PDE10A: variants seen among roughly 807,000 people sequenced by gnomAD.
PDE10A encodes phosphodiesterase 10A, also known as cAMP and cAMP-inhibited cGMP 3',5'-cyclic phosphodiesterase 10A.
PDE10A carries 39 observed loss-of-function variants against 97.7 expected under a neutral mutation model. That is an observed-to-expected ratio of 0.40 (90% CI 0.31 to 0.52). The LOEUF (loss-of-function observed/expected upper bound fraction) is 0.52. Among genes scored for constraint, PDE10A ranks in the 20% least tolerant of loss-of-function variants. PDE10A has a pLI of 0.56. For synonymous variants in PDE10A, 371 were observed against 376.8 expected, an observed-to-expected ratio of 0.98 and a Z score of 0.18; for missense variants, 731 against 1,047.8, an observed-to-expected ratio of 0.70 and a Z score of 4.17.
rs553283996 is a variant in PDE10A, at chr6:165,855,227, A to T, written c.-615+132302T>A. Reference sequence around the variant, plus strand: ...GGCAGCCCCAGACCCAGAAGGAATGAACAGAGGCGGATGGGTGGAGCAGGT... The same window carrying T: ...GGCAGCCCCAGACCCAGAAGGAATGTACAGAGGCGGATGGGTGGAGCAGGT... On this transcript the variant is annotated intron_variant, in intron 1 of 19. Transcript: ENST00000366882. Among the ~76,000 whole-genome samples the T allele has an allele frequency of 2.0e-5, 3 of 150,004 alleles. No homozygotes were observed. The East Asian group carries it at 6.1e-4, about 31-fold the overall frequency.
chr6:165,483,429 T>C lies in PDE10A; in HGVS notation c.995-1086A>G, dbSNP rs576953751. Reference sequence around the variant, plus strand: ...GTACGGCCTCTGACTTCCCTAAGAATGTAACACATGTAACAATTGTCATAG... The same window carrying C: ...GTACGGCCTCTGACTTCCCTAAGAACGTAACACATGTAACAATTGTCATAG... On this transcript the variant is annotated intron_variant, in intron 2 of 21. Coordinates refer to ENST00000539869, the MANE Select transcript of PDE10A (RefSeq NM_001385079.1). Among the ~76,000 whole-genome samples the C allele has an allele frequency of 2.0e-5, 3 of 152,344 alleles. No individual in the cohort carries two copies. The East Asian group carries it at 5.8e-4, about 29-fold the overall frequency.
At position 165,943,294 on chromosome 6, in the gene PDE10A, G is replaced by GAAAA. The variant is rs1562810032; in HGVS notation, c.-615+44234_-615+44235insTTTT. 3.1e-3 allele frequency among the ~76,000 whole-genome samples: 184 copies of GAAAA among 59,386 alleles called. 14 individuals carry two copies. Among genetic ancestry groups the GAAAA allele is most frequent in the Middle Eastern group, 8.8e-3 (1 of 114 alleles). 39.0% of individuals were successfully genotyped at this position (59,386 alleles called of 152,430 possible). On this transcript the variant is annotated intron_variant, in intron 1 of 19. Transcript: ENST00000366882. Reference sequence around the variant, plus strand: ...AGGAAGGAAAGAAAGAAAGAAAGAAGGAAAGAAAGAAAGAAGGAAGGAAGG... The same window carrying GAAAA: ...AGGAAGGAAAGAAAGAAAGAAAGAAGAAAAGAAAGAAAGAAAGAAGGAAGGAAGG...
At chr6:165,619,383 TCTA>T (rs2128406971) in intron 1 of PDE10A, among the ~76,000 whole-genome samples, 1 of 147,730 alleles carries the variant, frequency 6.8e-6, no homozygotes, top group East Asian at 2.0e-4. Context: ...TGTAGTGTAG[TCTA>T]GTATAGTGTA....
intron 1 of PDE10A, among the ~76,000 whole-genome samples, chr6:165,743,412 A>C (rs1792773535): frequency 6.6e-6 from 1 of 152,162 alleles, no homozygotes; most frequent in African/African-American, 2.4e-5. Flanking sequence ...TTTGGACGTC[A>C]CTGTTTTTTA....
chr6:165,440,063 A>T (rs1378611992), intron 5 of PDE10A, among the ~76,000 whole-genome samples: 1 of 152,198 alleles, frequency 6.6e-6, no homozygotes. Flanking sequence ...AGAAGAAAAA[A>T]AAAGTATTTA....
intron 2 of PDE10A, among the ~76,000 whole-genome samples, chr6:165,521,052 T>C (rs2128308207): frequency 6.6e-6 from 1 of 152,296 alleles, no homozygotes; most frequent in Non-Finnish European, 1.5e-5. Context: ...TCCAACAGCA[T>C]GTGCTCACTT....
intron 1 of PDE10A, among the ~76,000 whole-genome samples, chr6:165,619,017 G>A (rs945035742): frequency 3.8e-5 from 5 of 132,964 alleles, no homozygotes; most frequent in African/African-American, 1.2e-4. Context: ...GTCTAGTGTA[G>A]TCTAGCATAG....
intron 5 of PDE10A, among the ~76,000 whole-genome samples, chr6:165,448,727 C>CACAG (rs1341077118): frequency 6.6e-6 from 1 of 151,980 alleles, no homozygotes; most frequent in African/African-American, 2.4e-5. Context: ...CACACACACA[C>CACAG]ACACACACAC....
chr6:165,508,173 A>G (rs1370785433), intron 2 of PDE10A, among the ~76,000 whole-genome samples: 1 of 152,118 alleles, frequency 6.6e-6, no homozygotes, highest in Admixed American at 6.6e-5. Context: ...CACAACTGAA[A>G]AAACACACAA....
intron 1 of PDE10A, among the ~76,000 whole-genome samples, chr6:165,859,671 A>G (rs981270168): frequency 4.6e-5 from 7 of 152,184 alleles, no homozygotes; most frequent in Non-Finnish European, 8.8e-5. Flanking sequence ...AGCTTTTTAA[A>G]AATGTTTTTT....
intron 1 of PDE10A, among the ~76,000 whole-genome samples, chr6:165,982,860 T>C (rs530809437): frequency 6.6e-6 from 1 of 152,252 alleles, no homozygotes; most frequent in African/African-American, 2.4e-5. Flanking sequence ...TTCAAAGCAA[T>C]TAAGAAAAGA....
chr6:165,486,190 G>A (rs1452303000), intron 2 of PDE10A, among the ~76,000 whole-genome samples: 2 of 152,210 alleles, frequency 1.3e-5, no homozygotes, highest in African/African-American at 2.4e-5. Context: ...GCTTGTTAAT[G>A]TGTGATATAT....
chr6:165,680,263 C>G (rs956862589), intron 1 of PDE10A, among the ~76,000 whole-genome samples: 1 of 152,074 alleles, frequency 6.6e-6, no homozygotes, highest in Non-Finnish European at 1.5e-5. Context: ...AGATTAAAGG[C>G]GGAATTCAAT....
intron 1 of PDE10A, among the ~76,000 whole-genome samples, chr6:165,703,364 G>T (rs1429954275): frequency 6.6e-6 from 1 of 152,074 alleles, no homozygotes; most frequent in African/African-American, 2.4e-5. Flanking sequence ...ATGTCATTTC[G>T]CCACGTTTTA....
chr6:165,695,130 T>G (rs1470454008), intron 1 of PDE10A, among the ~76,000 whole-genome samples: 2 of 147,092 alleles, frequency 1.4e-5, no homozygotes, highest in African/African-American at 2.5e-5. Flanking sequence ...TAACAGTGAG[T>G]AAATTAGAGA....
intron 8 of PDE10A, among the ~76,000 whole-genome samples, chr6:165,431,142 T>A (rs1789521421): frequency 6.6e-6 from 1 of 152,026 alleles, no homozygotes. Flanking sequence ...AAACAAATAC[T>A]ACAGCAGGAC....
At chr6:165,551,225 T>C (rs1783998472) in intron 1 of PDE10A, among the ~76,000 whole-genome samples, 1 of 152,186 alleles carries the variant, frequency 6.6e-6, no homozygotes, top group African/African-American at 2.4e-5. Context: ...TCAGCAGATG[T>C]ATAACTTTAA....
intron 5 of PDE10A, among the ~76,000 whole-genome samples, chr6:165,442,584 T>A (rs1293133961): frequency 6.6e-6 from 1 of 152,114 alleles, no homozygotes; most frequent in Non-Finnish European, 1.5e-5. Context: ...AGAACACATT[T>A]ACTATCATGA....
intron 1 of PDE10A, among the ~76,000 whole-genome samples, chr6:165,574,768 T>A (rs1464601438): frequency 2.0e-5 from 3 of 152,216 alleles, no homozygotes. Flanking sequence ...ATACACCTCA[T>A]AAACTGTCAT....
Sources: gnomAD v4.1 joint callset for allele counts (sites outside exome capture counted in the v4.1 genomes callset) on GRCh38, gnomAD v4.1.1 for gene constraint, MANE v1.5 for transcripts, NCBI Gene and HGNC (gene_info 2026-07-23, HGNC 2026-07-21) for gene names.